The following LINGO2 variants were observed in gnomAD, a reference collection of about 807,000 sequenced individuals.
LINGO2 encodes the protein leucine-rich repeat and immunoglobulin-like domain-containing nogo receptor-interacting protein 2.
Under a neutral mutation model 30.6 loss-of-function variants are expected in LINGO2, and 14 were observed. The observed-to-expected ratio is 0.46, with a 90% CI of 0.30 to 0.72. The LOEUF (loss-of-function observed/expected upper bound fraction) is 0.72. Ranked by LOEUF, LINGO2 falls within the 30% of genes least tolerant of loss-of-function variation. LINGO2 has a pLI of 0.07. For synonymous variants in LINGO2, 317 were observed against 288.5 expected (o/e 1.10, Z -1.00); for missense variants, 729 against 751.7 (o/e 0.97, Z 0.35).
the LINGO2 span, among the ~76,000 whole-genome samples, chr9:28,817,523 C>T: frequency 2.6e-5 from 4 of 152,156 alleles, no homozygotes; most frequent in Non-Finnish European, 4.4e-5. Context: ...CATGGCAAAA[C>T]GATGACCACT....
the LINGO2 span, among the ~76,000 whole-genome samples, chr9:28,867,062 A>C: frequency 6.6e-6 from 1 of 152,164 alleles, no homozygotes; most frequent in Non-Finnish European, 1.5e-5. Context: ...TATTTAAAAT[A>C]ACTACTGCTG....
the LINGO2 span, among the ~76,000 whole-genome samples, chr9:28,680,563 T>C: frequency 6.6e-6 from 1 of 152,150 alleles, no homozygotes; most frequent in Non-Finnish European, 1.5e-5. Flanking sequence ...GCTGTGCTAA[T>C]TTATATTTCC....
rs1009917287 is a variant in LINGO2 at position 28,259,825 on chromosome 9, A to C, written c.-87+35383T>G. Among the ~76,000 whole-genome samples, 3 of 151,928 alleles carry C rather than the reference A, an allele frequency of 2.0e-5. No individual in the cohort carries two copies. In the South Asian group the frequency reaches 6.2e-4, roughly 31 times the overall value. On this transcript the variant is annotated intron_variant, in intron 4 of 5. Coordinates refer to ENST00000379992, the Ensembl canonical transcript of LINGO2. ...CTGGAAGCCAAAGGATAGGGGAGTCATTCTGTACCAGCCACCAGCCCTGAT... is the reference window on the plus strand; with the variant it reads ...CTGGAAGCCAAAGGATAGGGGAGTCCTTCTGTACCAGCCACCAGCCCTGAT...
the LINGO2 span, among the ~76,000 whole-genome samples, chr9:28,710,189 A>G: frequency 6.6e-6 from 1 of 151,758 alleles, no homozygotes; most frequent in Non-Finnish European, 1.5e-5. Flanking sequence ...CTCATAACAG[A>G]GGCCCCAAAG....
chr9:27,968,359 G>C (rs1820197632), intron 5 of LINGO2, among the ~76,000 whole-genome samples: 1 of 151,708 alleles, frequency 6.6e-6, no homozygotes, highest in Non-Finnish European at 1.5e-5. Context: ...GGTTCCAAAT[G>C]GACTATTATG....
the LINGO2 span, among the ~76,000 whole-genome samples, chr9:29,088,648 T>C: frequency 5.9e-5 from 9 of 152,284 alleles, no homozygotes; most frequent in African/African-American, 2.2e-4. Flanking sequence ...ACAGACTAAT[T>C]TTTTCCTTGG....
chr9:27,945,433 G>T (rs1277743258), downstream of LINGO2, among the ~76,000 whole-genome samples: 2 of 152,116 alleles, frequency 1.3e-5, no homozygotes, highest in Admixed American at 6.6e-5. Flanking sequence ...ATACTGTAGG[G>T]CAACTTCTGA....
chr9:28,506,453 CACATACACAT>C (rs1238177064), intron 1 of LINGO2, among the ~76,000 whole-genome samples: 52 of 89,992 alleles, frequency 5.8e-4, no homozygotes, highest in African/African-American at 1.8e-3. Context: ...CACACACACA[CACATACACAT>C]ACACACACAC....
At chr9:28,793,537 T>A in the LINGO2 span, among the ~76,000 whole-genome samples, 1 of 152,190 alleles carries the variant, frequency 6.6e-6, no homozygotes, top group Non-Finnish European at 1.5e-5. Context: ...TACATAGCAG[T>A]TACATGCCAT....
At chr9:28,452,101 A>G (rs560967134) in intron 2 of LINGO2, among the ~76,000 whole-genome samples, 1 of 151,772 alleles carries the variant, frequency 6.6e-6, no homozygotes, top group Non-Finnish European at 1.5e-5. Context: ...AAACAAAATC[A>G]CAGCAATTAA....
intron 1 of LINGO2, among the ~76,000 whole-genome samples, chr9:28,660,134 T>C (rs933794576): frequency 1.3e-5 from 2 of 150,656 alleles, no homozygotes; most frequent in Non-Finnish European, 2.9e-5. Context: ...ATAATTGTAG[T>C]TAAGTTATTT....
chr9:29,106,008 G>GC, the LINGO2 span, among the ~76,000 whole-genome samples: 4 of 152,172 alleles, frequency 2.6e-5, no homozygotes, highest in Non-Finnish European at 5.9e-5. Context: ...AAAGTCCTGA[G>GC]CAGGAGACCT....
chr9:28,022,617 C>T (rs994332064), intron 4 of LINGO2, among the ~76,000 whole-genome samples: 3 of 151,806 alleles, frequency 2.0e-5, no homozygotes, highest in Non-Finnish European at 4.4e-5. Context: ...TTTTTTATTT[C>T]ATTCTGTTCT....
intron 3 of LINGO2, among the ~76,000 whole-genome samples, chr9:28,360,565 A>G (rs541258508): frequency 2.8e-4 from 42 of 152,284 alleles, no homozygotes; most frequent in African/African-American, 9.9e-4. Flanking sequence ...TGCCCTCCAC[A>G]AGATTTTTGA....
chr9:28,396,344 T>C (rs536407269), intron 2 of LINGO2, among the ~76,000 whole-genome samples: 19 of 152,322 alleles, frequency 1.2e-4, no homozygotes, highest in African/African-American at 4.1e-4. Context: ...AATATTTTAT[T>C]ATTTTATTTA....
At chr9:28,128,863 A>G (rs554044539) in intron 4 of LINGO2, among the ~76,000 whole-genome samples, 195 of 152,032 alleles carry the variant, frequency 1.3e-3, no homozygotes, top group Middle Eastern at 3.4e-3. Context: ...GCTAGAGGAG[A>G]TGAACATTTG....
the LINGO2 span, among the ~76,000 whole-genome samples, chr9:28,821,556 A>G: frequency 1.3e-5 from 2 of 152,186 alleles, no homozygotes; most frequent in African/African-American, 4.8e-5. Context: ...CAACAGTCCT[A>G]CCTCAATGCT....
rs575301167 is a variant in LINGO2, at chr9:28,605,001, A to G, written c.-365+65199T>C. Reference sequence around the variant, plus strand: ...GATATGCTAAATAAGGAGTGGAATTAGGGATTCAGACTGAGGAATAGCTAA... The same window carrying G: ...GATATGCTAAATAAGGAGTGGAATTGGGGATTCAGACTGAGGAATAGCTAA... On this transcript the variant is annotated intron_variant, in intron 1 of 5. Transcript: ENST00000379992. 4.0e-3 allele frequency among the ~76,000 whole-genome samples: 610 copies of G among 152,098 alleles called. 4 individuals are homozygous for G. The highest frequency in any genetic ancestry group is 6.7e-3 in the Non-Finnish European group (455 of 67,924).
At chr9:28,942,183 T>G in the LINGO2 span, among the ~76,000 whole-genome samples, 1 of 152,302 alleles carries the variant, frequency 6.6e-6, no homozygotes, top group South Asian at 2.1e-4. Context: ...CAGACCATAA[T>G]TGGAATATCA....
Sources: allele counts gnomAD v4.1 joint callset (sites outside exome capture counted in the v4.1 genomes callset), GRCh38; gene constraint gnomAD v4.1.1; transcripts MANE v1.5; gene names NCBI Gene and HGNC (gene_info 2026-07-23, HGNC 2026-07-21).